Variants in PBX1 observed in about 807,000 individuals in gnomAD.
PBX1 encodes PBX homeobox 1, also known as pre-B-cell leukemia transcription factor 1.
Under a neutral mutation model 53.4 loss-of-function variants are expected in PBX1, and 6 were observed. That is an observed-to-expected ratio of 0.11 (90% CI 0.06 to 0.22). The LOEUF is 0.22. Among genes scored for constraint, PBX1 ranks in the 10% least tolerant of loss-of-function variants. The pLI is 1.00. For synonymous variants in PBX1, 204 were observed against 212.3 expected (o/e 0.96, Z 0.34); for missense variants, 251 against 551.4 (o/e 0.46, Z 5.46).
At chr1:164,790,738 G>A (rs890700042) in intron 2 of PBX1, among the ~76,000 whole-genome samples, 2 of 152,198 alleles carry the variant, frequency 1.3e-5, no homozygotes, top group South Asian at 2.1e-4. Context: ...TCTGAACAAC[G>A]TTCAGGGTTG....
chr1:164,578,292 T>C (rs1014462778), intron 2 of PBX1, among the ~76,000 whole-genome samples: 14 of 152,248 alleles, frequency 9.2e-5, no homozygotes, highest in Non-Finnish European at 1.6e-4. Flanking sequence ...AAAATATTTT[T>C]GAATGCCCTA....
At chr1:164,856,476 A>AT (rs559046234), downstream of PBX1, among the ~76,000 whole-genome samples, 18 of 151,742 alleles carry the variant, frequency 1.2e-4, no homozygotes, top group African/African-American at 2.4e-4. Context: ...TATATTTTTA[A>AT]TTTTTTTTCA....
At chr1:164,790,897 C>G (rs1668469666) in intron 2 of PBX1, among the ~76,000 whole-genome samples, 1 of 152,154 alleles carries the variant, frequency 6.6e-6, no homozygotes, top group Non-Finnish European at 1.5e-5. Flanking sequence ...CCTGCTTTGC[C>G]AGGGCTGGGA....
intron 2 of PBX1, among the ~76,000 whole-genome samples, chr1:164,880,779 C>G (rs1672627378): frequency 6.6e-6 from 1 of 152,202 alleles, no homozygotes; most frequent in Admixed American, 6.5e-5. Context: ...CAGTTCTGTA[C>G]ATACCAGAGA....
In PBX1 at chr1:164,792,842, G is replaced by GC. The variant is rs1249669458; in HGVS notation, c.510+105dup. On this transcript the variant is annotated intron_variant, in intron 3 of 8. Transcript: ENST00000420696. ...GAGGAGCGGCTCACCTTTCCCAGGT[G>GC]CTGGCATCCCTGTGCCCGGCATCCC... 3 of 879,066 alleles carry GC rather than the reference G, an allele frequency of 3.4e-6. No individual in the cohort carries two copies. The African/African-American group carries it at 5.1e-5, about 15-fold the overall frequency. 54.5% of individuals were successfully genotyped at this position (879,066 alleles called of 1,614,324 possible). A position where few individuals can be genotyped will look rare whatever the true frequency, so the allele number is the denominator to read the frequency against.
At chr1:164,840,174 T>A (rs1671225142) in intron 8 of PBX1, among the ~76,000 whole-genome samples, 1 of 152,158 alleles carries the variant, frequency 6.6e-6, no homozygotes, top group South Asian at 2.1e-4. Flanking sequence ...GAAGTTCCTA[T>A]ATGAAGACAC....
intron 2 of PBX1, among the ~76,000 whole-genome samples, chr1:164,656,903 G>A (rs1022544001): frequency 2.0e-5 from 3 of 152,032 alleles, no homozygotes; most frequent in African/African-American, 7.2e-5. Flanking sequence ...GGTGATTCAA[G>A]TGTGAGTTTA....
At chr1:164,698,136 G>A (rs1662896039) in intron 2 of PBX1, among the ~76,000 whole-genome samples, 2 of 152,150 alleles carry the variant, frequency 1.3e-5, no homozygotes, top group Non-Finnish European at 2.9e-5. Flanking sequence ...TGTTAAGAGG[G>A]TTGGGACCTC....
At chr1:164,795,538 T>C (rs183819055) in intron 3 of PBX1, among the ~76,000 whole-genome samples, 4 of 152,368 alleles carry the variant, frequency 2.6e-5, no homozygotes, top group Admixed American at 2.0e-4. Context: ...TCATCTGTAT[T>C]TATTATTTTT....
At chr1:164,648,283 C>T (rs757155346) in intron 2 of PBX1, among the ~76,000 whole-genome samples, 15 of 152,176 alleles carry the variant, frequency 9.9e-5, no homozygotes, top group South Asian at 2.1e-4. Context: ...AAACTTAAAA[C>T]TGTACTTTGA....
intron 2 of PBX1, among the ~76,000 whole-genome samples, chr1:164,876,298 G>C (rs1375379822): frequency 2.0e-5 from 3 of 151,766 alleles, no homozygotes; most frequent in Non-Finnish European, 4.4e-5. Flanking sequence ...AGATGAATGA[G>C]GTTCGCATTC....
At chr1:164,748,004 C>T (rs1665988502) in intron 2 of PBX1, among the ~76,000 whole-genome samples, 1 of 152,036 alleles carries the variant, frequency 6.6e-6, no homozygotes, top group Non-Finnish European at 1.5e-5. Context: ...AAGAGGTGTA[C>T]CCACTATTCT....
chr1:164,698,787 TACTA>T (rs1163672811), intron 2 of PBX1, among the ~76,000 whole-genome samples: 3 of 152,204 alleles, frequency 2.0e-5, no homozygotes, highest in Non-Finnish European at 4.4e-5. Flanking sequence ...ACTAAGTACT[TACTA>T]ACTGAGACAC....
intron 2 of PBX1, among the ~76,000 whole-genome samples, chr1:164,681,879 G>A (rs529777485): frequency 1.3e-3 from 199 of 152,134 alleles, no homozygotes; most frequent in African/African-American, 4.7e-3. Context: ...TTGATATTTG[G>A]TCCCGGGAAC....
chr1:164,579,053 C>T (rs983624033), intron 2 of PBX1, among the ~76,000 whole-genome samples: 2 of 150,772 alleles, frequency 1.3e-5, no homozygotes, highest in Admixed American at 1.3e-4. Flanking sequence ...AATAGGCATT[C>T]TGTGACATTT....
chr1:164,836,441 G>C (rs1671043401), intron 8 of PBX1, among the ~76,000 whole-genome samples: 1 of 152,170 alleles, frequency 6.6e-6, no homozygotes, highest in Non-Finnish European at 1.5e-5. Flanking sequence ...CAGAATAAAA[G>C]AGGGTGTCCC....
intron 2 of PBX1, among the ~76,000 whole-genome samples, chr1:164,882,552 A>G (rs1172841312): frequency 6.6e-6 from 1 of 152,232 alleles, no homozygotes; most frequent in East Asian, 1.9e-4. Flanking sequence ...ACCAAGGGCT[A>G]GAGTACTTTC....
intron 2 of PBX1, among the ~76,000 whole-genome samples, chr1:164,686,730 G>A (rs952623054): frequency 2.0e-5 from 3 of 151,878 alleles, no homozygotes; most frequent in Non-Finnish European, 4.4e-5. Context: ...AGGCTGAGGC[G>A]GGCGGATCAC....
At chr1:164,750,110 A>G (rs563086050) in intron 2 of PBX1, among the ~76,000 whole-genome samples, 5 of 118,042 alleles carry the variant, frequency 4.2e-5, no homozygotes, top group African/African-American at 1.3e-4. Context: ...AAATCGGAAG[A>G]AAAAAAAAAA....
Sources: allele counts gnomAD v4.1 joint callset (sites outside exome capture counted in the v4.1 genomes callset), GRCh38; gene constraint gnomAD v4.1.1; transcripts MANE v1.5; gene names NCBI Gene and HGNC (gene_info 2026-07-23, HGNC 2026-07-21).